The following KLRG1 variants were observed in gnomAD, a reference collection of about 807,000 sequenced individuals.
The protein encoded by KLRG1 is killer cell lectin-like receptor subfamily G member 1.
A neutral mutation model predicts 21.8 loss-of-function variants in KLRG1; 16 were observed. The observed-to-expected ratio is 0.73, with a 90% confidence interval of 0.50 to 1.11. The LOEUF (loss-of-function observed/expected upper bound fraction) is 1.11, where lower values mean the gene tolerates loss of function less well. KLRG1 is among the 50% of genes most tolerant of loss of function. The pLI is 0.00. For missense variants in KLRG1, 173 were observed against 218.3 expected, an observed-to-expected ratio of 0.79 and a Z score of 1.31; for synonymous variants, 69 against 75.9, an observed-to-expected ratio of 0.91 and a Z score of 0.47.
the KLRG1 span, among the ~76,000 whole-genome samples, chr12:9,150,377 G>C: frequency 6.6e-6 from 1 of 152,108 alleles, no homozygotes; most frequent in Non-Finnish European, 1.5e-5. Flanking sequence ...CTGCCTCCCA[G>C]GCTTACACGA....
chr12:9,108,638 G>A, the KLRG1 span, among the ~76,000 whole-genome samples: 1 of 152,200 alleles, frequency 6.6e-6, no homozygotes, highest in Non-Finnish European at 1.5e-5. Flanking sequence ...TATTACATGT[G>A]TGATCTTTGG....
chr12:8,954,294 A>T (rs1249243140), intron 1 of KLRG1, among the ~76,000 whole-genome samples: 1 of 152,046 alleles, frequency 6.6e-6, no homozygotes, highest in African/African-American at 2.4e-5. Context: ...AAATGGGAAG[A>T]TGTAGGTCAA....
chr12:8,966,703 G>A (rs1185662783), intron 1 of KLRG1, among the ~76,000 whole-genome samples: 5 of 144,494 alleles, frequency 3.5e-5, no homozygotes, highest in African/African-American at 5.0e-5. Context: ...TGGAGAGGAT[G>A]TGGAGAAATA....
the KLRG1 span, chr12:9,052,730 C>G: frequency 2.5e-6 from 1 of 406,670 alleles, no homozygotes; most frequent in South Asian, 1.9e-5. Flanking sequence ...TCATTTTTCA[C>G]TTGGAGCTTG....
chr12:9,134,329 C>T, the KLRG1 span, among the ~76,000 whole-genome samples: 1 of 152,140 alleles, frequency 6.6e-6, no homozygotes, highest in African/African-American at 2.4e-5. Flanking sequence ...AAACTAATGC[C>T]TATACACCCA....
intron 1 of KLRG1, among the ~76,000 whole-genome samples, chr12:8,951,186 G>A (rs189293325): frequency 8.7e-4 from 132 of 152,078 alleles, no homozygotes; most frequent in Non-Finnish European, 1.7e-3. Context: ...TTTCAAAAAT[G>A]TATCAGTCCC....
At chr12:9,123,844 C>CTT in the KLRG1 span, among the ~76,000 whole-genome samples, 4,762 of 141,472 alleles carry the variant, frequency 0.034, 175 homozygotes, top group Admixed American at 0.098. Flanking sequence ...AATTCAATGG[C>CTT]TTTTTTTTTT....
chr12:9,084,983 C>A, the KLRG1 span, among the ~76,000 whole-genome samples: 1 of 152,022 alleles, frequency 6.6e-6, no homozygotes, highest in African/African-American at 2.4e-5. Flanking sequence ...AAGGATATAA[C>A]AATTGTAAAT....
the KLRG1 span, among the ~76,000 whole-genome samples, chr12:9,060,408 G>C: frequency 6.6e-6 from 1 of 152,152 alleles, no homozygotes. Context: ...AGCCTTTACT[G>C]TCAGTGTGAA....
chr12:9,184,392 C>T, the KLRG1 span, among the ~76,000 whole-genome samples: 1 of 152,240 alleles, frequency 6.6e-6, no homozygotes, highest in African/African-American at 2.4e-5. Flanking sequence ...GTCCTGCACC[C>T]ACCAGTGCCC....
At chr12:9,117,019 A>G in the KLRG1 span, among the ~76,000 whole-genome samples, 9 of 152,342 alleles carry the variant, frequency 5.9e-5, no homozygotes, top group East Asian at 1.5e-3. Flanking sequence ...TTTTAAAAAA[A>G]TTTTGAGGGA....
chr12:9,099,603 C>T, the KLRG1 span: 1 of 1,468,972 alleles, frequency 6.8e-7, no homozygotes, highest in South Asian at 1.4e-5. Flanking sequence ...ACATAATAAA[C>T]AGTAGATGTA....
chr12:8,956,881 T>C (rs1020682142), intron 1 of KLRG1, among the ~76,000 whole-genome samples: 8 of 152,218 alleles, frequency 5.3e-5, no homozygotes, highest in African/African-American at 1.9e-4. Context: ...ATGAAGCTGG[T>C]GCCTGGAGGT....
At chr12:9,189,073 C>A in the KLRG1 span, among the ~76,000 whole-genome samples, 3 of 152,062 alleles carry the variant, frequency 2.0e-5, no homozygotes, top group African/African-American at 7.2e-5. Context: ...TCATATTGCC[C>A]AAAGCAATTT....
the KLRG1 span, chr12:9,135,448 T>C: frequency 8.2e-6 from 3 of 365,644 alleles, no homozygotes; most frequent in Admixed American, 1.2e-4. Context: ...TCCATCTGTG[T>C]GCTGTATGAA....
At chr12:9,193,998 C>A in the KLRG1 span, 1 of 1,283,740 alleles carries the variant, frequency 7.8e-7, no homozygotes. Flanking sequence ...CTCTTAAATG[C>A]AATCTGTACA....
At chr12:9,140,832 G>A in the KLRG1 span, among the ~76,000 whole-genome samples, 13 of 152,118 alleles carry the variant, frequency 8.5e-5, no homozygotes, top group South Asian at 6.2e-4. Context: ...CCAGTTTCCC[G>A]AGAGTTTTAT....
At chr12:9,072,105 G>A in the KLRG1 span, among the ~76,000 whole-genome samples, 2 of 152,120 alleles carry the variant, frequency 1.3e-5, no homozygotes, top group African/African-American at 2.4e-5. Flanking sequence ...CAGGTCAGAG[G>A]CAATGGGTAA....
chr12:9,180,716 T>A, the KLRG1 span, among the ~76,000 whole-genome samples: 1 of 152,214 alleles, frequency 6.6e-6, no homozygotes, highest in Non-Finnish European at 1.5e-5. Context: ...AACCTAGGCA[T>A]CACCATTCAG....
Sources: allele counts gnomAD v4.1 joint callset (sites outside exome capture counted in the v4.1 genomes callset), GRCh38; gene constraint gnomAD v4.1.1; transcripts MANE v1.5; gene names NCBI Gene and HGNC (gene_info 2026-07-23, HGNC 2026-07-21).